FGF13: variants seen among roughly 807,000 people sequenced by gnomAD.
FGF13 encodes the protein fibroblast growth factor 13, also known as fibroblast growth factor homologous factor 2.
A neutral mutation model predicts 19.5 loss-of-function variants in FGF13; 2 were observed. That is an observed-to-expected ratio of 0.10 (90% CI 0.04 to 0.32). FGF13 has a LOEUF of 0.32. Ranked by LOEUF, FGF13 falls within the 10% of genes least tolerant of loss-of-function variation. The probability of loss-of-function intolerance (pLI) is 1.00; values close to 1 mark genes in which losing one functional copy is unlikely to be tolerated. For synonymous variants in FGF13, 72 were observed against 76.9 expected, an observed-to-expected ratio of 0.94 and a Z score of 0.33; for missense variants, 113 against 192.7, an observed-to-expected ratio of 0.59 and a Z score of 2.45.
intron 3 of FGF13, among the ~76,000 whole-genome samples, chrX:138,673,357 G>A (rs138527173): frequency 4.5e-5 from 5 of 110,701 alleles, no homozygotes; most frequent in Non-Finnish European, 5.7e-5. Context: ...TGTTATTTAC[G>A]TAGCCCGCGG....
chrX:139,138,960 C>A (rs2083821182), intron 1 of FGF13, among the ~76,000 whole-genome samples: 1 of 97,696 alleles, frequency 1.0e-5, no homozygotes, highest in African/African-American at 3.8e-5. Context: ...ATAAGAGTCT[C>A]ACTCTGTTGC....
chrX:139,018,642 C>T (rs923144174), intron 1 of FGF13, among the ~76,000 whole-genome samples: 2 of 111,151 alleles, frequency 1.8e-5, no homozygotes, highest in South Asian at 7.7e-4. Flanking sequence ...TGTCCAGGTC[C>T]AAGACCACAT....
chrX:139,132,487 G>A (rs1260801639), intron 1 of FGF13, among the ~76,000 whole-genome samples: 1 of 111,864 alleles, frequency 8.9e-6, no homozygotes, highest in South Asian at 3.7e-4. Flanking sequence ...TGCTTTCTTA[G>A]TACTTTTGTC....
chrX:139,092,649 A>T (rs187512668), intron 1 of FGF13, among the ~76,000 whole-genome samples: 1 of 112,168 alleles, frequency 8.9e-6, no homozygotes, highest in African/African-American at 3.2e-5. Flanking sequence ...TTCAGAAACT[A>T]GCATTTACCA....
chrX:139,040,887 G>A (rs1371938253), intron 1 of FGF13, among the ~76,000 whole-genome samples: 1 of 110,736 alleles, frequency 9.0e-6, no homozygotes, highest in African/African-American at 3.3e-5. Context: ...AAGAAGGAAC[G>A]AGATCATGTC....
At chrX:139,150,428 A>C (rs971280392) in intron 1 of FGF13, among the ~76,000 whole-genome samples, 1 of 112,579 alleles carries the variant, frequency 8.9e-6, no homozygotes, top group Non-Finnish European at 1.9e-5. Context: ...TCTAAATGGC[A>C]AATGGTCAAA....
At chrX:138,992,735 A>G (rs1292807012) in intron 1 of FGF13, among the ~76,000 whole-genome samples, 1 of 112,197 alleles carries the variant, frequency 8.9e-6, no homozygotes, top group East Asian at 2.8e-4. Flanking sequence ...GGCAAACACC[A>G]CAAAAGTGAT....
At chrX:138,707,814 GT>G (rs1196183408) in intron 2 of FGF13, among the ~76,000 whole-genome samples, 1 of 111,842 alleles carries the variant, frequency 8.9e-6, no homozygotes, top group Non-Finnish European at 1.9e-5. Flanking sequence ...TTCCTAAAAG[GT>G]GGGAAACTCT....
rs1338647879 is a variant in FGF13, at chrX:138,619,484, A to G, written c.*13366T>C. 1 of 111,609 alleles carries G rather than the reference A, an allele frequency of 9.0e-6. No homozygotes were observed. The highest frequency in any genetic ancestry group is 2.8e-4 in the East Asian group (1 of 3,567). The allele number at this position is 111,609 out of a possible 1,213,427, so 9.2% of individuals were successfully genotyped here. A position where few individuals can be genotyped will look rare whatever the true frequency, so the allele number is the denominator to read the frequency against. On this transcript the variant is annotated 3_prime_UTR_variant, in exon 5 of 5. Transcript: ENST00000315930. Reference sequence around the variant, plus strand: ...TCTGCACATGTACCCCAGAACTTCAAGTATAATATAAAAAGAAAGAAAGAC... The same window carrying G: ...TCTGCACATGTACCCCAGAACTTCAGGTATAATATAAAAAGAAAGAAAGAC...
chrX:138,791,200 G>A (rs2090739779), intron 3 of FGF13, among the ~76,000 whole-genome samples: 1 of 112,083 alleles, frequency 8.9e-6, no homozygotes, highest in East Asian at 2.8e-4. Flanking sequence ...TATGCCAGAG[G>A]ATATGTGTAG....
At chrX:138,945,398 G>A (rs945656923) in intron 1 of FGF13, among the ~76,000 whole-genome samples, 47 of 110,777 alleles carry the variant, frequency 4.2e-4, no homozygotes, top group African/African-American at 1.5e-3. Flanking sequence ...ATGAGGGTGA[G>A]TCACAGGCAG....
chrX:138,799,102 C>T lies in FGF13; in HGVS notation c.217+58410G>A, dbSNP rs2090805822. 3.6e-5 allele frequency among the ~76,000 whole-genome samples: 4 copies of T among 111,355 alleles called. No individual in the cohort carries two copies. The Admixed American group carries it at 3.8e-4, about 11-fold the overall frequency. On this transcript the variant is annotated intron_variant, in intron 3 of 6. Coordinates refer to the FGF13 transcript ENST00000436198. ...TTAGTTATTTCTTGTCTTCTGCTAG[C>T]TTTTAAATTTGTTTGCTCTTGCTTC...
At chrX:138,807,019 A>G (rs2090873606) in intron 3 of FGF13, 1 of 111,461 alleles carries the variant, frequency 9.0e-6, no homozygotes, top group Admixed American at 9.6e-5. Flanking sequence ...GGTCTACAGC[A>G]AAATTGGAGA....
chrX:138,906,202 C>A (rs2091557706), intron 1 of FGF13, among the ~76,000 whole-genome samples: 1 of 111,718 alleles, frequency 9.0e-6, no homozygotes, highest in African/African-American at 3.3e-5. Flanking sequence ...GGAGGCAAGT[C>A]ACTTAACCCC....
At chrX:138,780,782 C>G (rs1231817157) in intron 3 of FGF13, among the ~76,000 whole-genome samples, 2 of 110,811 alleles carry the variant, frequency 1.8e-5, no homozygotes, top group African/African-American at 6.6e-5. Context: ...CAAGGATACC[C>G]AGGAATTGAA....
rs57793547 is a variant in FGF13, at chrX:138,932,703, AGTGTGT to A, written c.-112-68059_-112-68054del. Among the ~76,000 whole-genome samples the A allele has an allele frequency of 7.8e-3, 704 of 90,293 alleles. 6 individuals carry two copies. The highest frequency in any genetic ancestry group is 0.021 in the African/African-American group (506 of 24,344). The allele number at this position is 90,293 out of a possible 115,157, so 78.4% of individuals were successfully genotyped here. ...AAGGGGAAAAACATGTCAGGAGTGT[AGTGTGT>A]GTGTGTGTGTGTGTGTGTGTGTGTG... On this transcript the variant is annotated intron_variant, in intron 1 of 2. Coordinates refer to the FGF13 transcript ENST00000421460.
chrX:138,847,127 G>A (rs1478002716), intron 3 of FGF13, among the ~76,000 whole-genome samples: 1 of 111,798 alleles, frequency 8.9e-6, no homozygotes, highest in Non-Finnish European at 1.9e-5. Context: ...CAAGAGGGGG[G>A]AAACTGAGCA....
chrX:138,924,277 C>T (rs1184978365), intron 1 of FGF13, among the ~76,000 whole-genome samples: 1 of 111,763 alleles, frequency 8.9e-6, no homozygotes, highest in Non-Finnish European at 1.9e-5. Flanking sequence ...CTCCATCTCT[C>T]AGCTTTGCTT....
chrX:138,710,743 C>G, intron 1 of FGF13, 74 bp downstream of exon 1: 1 of 1,179,316 alleles, frequency 8.5e-7, no homozygotes. Flanking sequence ...CTCACCTATG[C>G]TACATACCTG....
Sources: allele counts gnomAD v4.1 joint callset (sites outside exome capture counted in the v4.1 genomes callset), GRCh38; gene constraint gnomAD v4.1.1; transcripts MANE v1.5; gene names NCBI Gene and HGNC (gene_info 2026-07-23, HGNC 2026-07-21).